BANK1: variants seen among roughly 807,000 people sequenced by gnomAD.
BANK1 encodes B cell scaffold protein with ankyrin repeats 1.
A neutral mutation model predicts 94.5 loss-of-function variants in BANK1; 95 were observed. The observed-to-expected ratio is 1.00, with a 90% confidence interval of 0.85 to 1.19. The LOEUF (loss-of-function observed/expected upper bound fraction) is 1.19, where lower values mean the gene tolerates loss of function less well. Ranked by LOEUF, BANK1 falls within the 50% of genes most tolerant of loss-of-function variation. The pLI is 0.00. For synonymous variants in BANK1, 334 were observed against 308.4 expected, an observed-to-expected ratio of 1.08 and a Z score of -0.87; for missense variants, 987 against 932.2, an observed-to-expected ratio of 1.06 and a Z score of -0.77.
intron 1 of BANK1, among the ~76,000 whole-genome samples, chr4:101,829,551 A>G (rs2148863105): frequency 6.6e-6 from 1 of 151,944 alleles, no homozygotes; most frequent in East Asian, 1.9e-4. Flanking sequence ...TATCTGGGTA[A>G]TGGTATTGTT....
chr4:101,903,536 A>C (rs1455930701), intron 6 of BANK1, among the ~76,000 whole-genome samples: 1 of 152,232 alleles, frequency 6.6e-6, no homozygotes, highest in Non-Finnish European at 1.5e-5. Context: ...AGTTGAAAAA[A>C]TTAGCAAATC....
At position 101,830,141 on chromosome 4, in the gene BANK1, G is replaced by C; in HGVS notation, c.404G>C (p.Trp135Ser). 1 of 1,609,114 alleles carries C rather than the reference G, an allele frequency of 6.2e-7. No homozygotes were observed. The highest frequency in any genetic ancestry group is 1.3e-5 in the African/African-American group (1 of 74,714). Residue 135 changes from tryptophan to serine, a missense_variant, in exon 2 of 17, where the codon TGG (tryptophan) becomes TCG (serine). Physicochemically the swap from Trp to Ser is radical, Grantham distance 177. Transcript: ENST00000322953. ...TTACTAAATATCTCTCAAAGCAGAT[G>C]GGAGATCTCAACTGAACAGGAACCT... ...YELLNISQSRWEISTEQEPED... is the reference protein window; with the variant it reads ...YELLNISQSRSEISTEQEPED...
intron 1 of BANK1, among the ~76,000 whole-genome samples, chr4:101,804,642 A>T (rs752509484): frequency 2.0e-5 from 3 of 152,200 alleles, no homozygotes; most frequent in Non-Finnish European, 4.4e-5. Flanking sequence ...TAAACAGATG[A>T]TGTAAACTTA....
At chr4:101,808,638 A>T (rs888233039) in intron 1 of BANK1, among the ~76,000 whole-genome samples, 9 of 152,144 alleles carry the variant, frequency 5.9e-5, no homozygotes, top group African/African-American at 2.2e-4. Flanking sequence ...TCCAGAATGC[A>T]CAAGGAACTC....
intron 7 of BANK1, among the ~76,000 whole-genome samples, chr4:102,013,052 G>T (rs1055304268): frequency 1.3e-5 from 2 of 152,012 alleles, no homozygotes; most frequent in African/African-American, 4.8e-5. Flanking sequence ...TTCCTCTATA[G>T]ACTTTTATTA....
chr4:101,900,127 G>C (rs1329161031), intron 6 of BANK1, among the ~76,000 whole-genome samples: 1 of 152,118 alleles, frequency 6.6e-6, no homozygotes, highest in African/African-American at 2.4e-5. Flanking sequence ...TGATGTGAAA[G>C]ATTATTAAGC....
chr4:102,035,646 T>C (rs1727479251), intron 10 of BANK1, among the ~76,000 whole-genome samples: 1 of 65,192 alleles, frequency 1.5e-5, no homozygotes, highest in African/African-American at 7.9e-5. Context: ...AGACTCCGTC[T>C]CAAAAAAAAA....
chr4:101,897,515 A>G (rs917011391), intron 6 of BANK1, among the ~76,000 whole-genome samples: 1 of 151,984 alleles, frequency 6.6e-6, no homozygotes, highest in African/African-American at 2.4e-5. Flanking sequence ...GAGTCCCTGA[A>G]AATATGAATC....
chr4:101,864,129 A>T (rs1727981924), intron 4 of BANK1, among the ~76,000 whole-genome samples: 1 of 152,134 alleles, frequency 6.6e-6, no homozygotes, highest in African/African-American at 2.4e-5. Flanking sequence ...TAAATAAACC[A>T]CTGTTTACCA....
At chr4:101,927,209 G>A (rs1386262310) in intron 7 of BANK1, among the ~76,000 whole-genome samples, 3 of 151,616 alleles carry the variant, frequency 2.0e-5, no homozygotes, top group South Asian at 2.1e-4. Context: ...ATATGGCCGC[G>A]GGTGAAAGGA....
chr4:101,894,294 T>C (rs1388742492), intron 5 of BANK1, among the ~76,000 whole-genome samples: 1 of 152,078 alleles, frequency 6.6e-6, no homozygotes, highest in Admixed American at 6.6e-5. Context: ...TACTAGATGC[T>C]TATGAATGCT....
chr4:101,817,361 C>T (rs888684651), intron 1 of BANK1, among the ~76,000 whole-genome samples: 6 of 152,070 alleles, frequency 3.9e-5, no homozygotes, highest in African/African-American at 1.2e-4. Flanking sequence ...AAAAGGAATG[C>T]GATTATGTCC....
At chr4:101,989,561 CT>C (rs1373017286) in intron 7 of BANK1, among the ~76,000 whole-genome samples, 4 of 150,446 alleles carry the variant, frequency 2.7e-5, no homozygotes, top group Non-Finnish European at 4.4e-5. Context: ...TGCTAATATA[CT>C]TTTTGGGGGC....
chr4:101,986,662 A>G, intron 7 of BANK1, among the ~76,000 whole-genome samples: 1 of 151,314 alleles, frequency 6.6e-6, no homozygotes. Flanking sequence ...TATCACCAAT[A>G]CCACCTCATA....
chr4:101,952,400 A>T (rs1432981772), intron 7 of BANK1, among the ~76,000 whole-genome samples: 1 of 152,148 alleles, frequency 6.6e-6, no homozygotes, highest in South Asian at 2.1e-4. Context: ...TGTTTATCTT[A>T]AGAGTGAAGT....
chr4:102,006,780 G>A (rs965067011), intron 7 of BANK1, among the ~76,000 whole-genome samples: 1 of 151,096 alleles, frequency 6.6e-6, no homozygotes, highest in African/African-American at 2.4e-5. Flanking sequence ...GGCCCTTACT[G>A]TAATTTTATC....
At chr4:101,881,607 T>C (rs575636711) in intron 5 of BANK1, among the ~76,000 whole-genome samples, 1 of 152,242 alleles carries the variant, frequency 6.6e-6, no homozygotes, top group African/African-American at 2.4e-5. Flanking sequence ...CAAAGAGATA[T>C]CTGCACTCCC....
rs942836148 is a variant in BANK1 at position 101,910,985 on chromosome 4, T to G, written c.1010-7008T>G. Among the ~76,000 whole-genome samples the G allele has an allele frequency of 4.6e-5, 7 of 152,200 alleles. No individual in the cohort carries two copies. The South Asian group carries it at 8.3e-4, about 18-fold the overall frequency. On this transcript the variant is annotated intron_variant, in intron 6 of 16. Coordinates refer to ENST00000322953, the MANE Select transcript of BANK1 (RefSeq NM_017935.5). ...AATACAGTGTGTGCACTACACATAG[T>G]ACTTAACATGCGTTTTGCTTACTCT...
chr4:102,015,883 A>G (rs190365006), intron 7 of BANK1, among the ~76,000 whole-genome samples: 2 of 152,332 alleles, frequency 1.3e-5, no homozygotes, highest in Admixed American at 1.3e-4. Flanking sequence ...AAATACGGGC[A>G]GGAACATGCT....
Sources: allele counts gnomAD v4.1 joint callset (sites outside exome capture counted in the v4.1 genomes callset), GRCh38; gene constraint gnomAD v4.1.1; transcripts MANE v1.5; gene names NCBI Gene and HGNC (gene_info 2026-07-23, HGNC 2026-07-21).